USP43: variants seen among roughly 807,000 people sequenced by gnomAD.
The protein encoded by USP43 is ubiquitin specific peptidase 43, also known as ubiquitin carboxyl-terminal hydrolase 43.
Under a neutral mutation model 90.7 loss-of-function variants are expected in USP43, and 33 were observed. The observed-to-expected ratio is 0.36, with a 90% CI of 0.28 to 0.49. USP43 has a LOEUF of 0.49. Ranked by LOEUF, USP43 falls within the 20% of genes least tolerant of loss-of-function variation. The pLI, the probability that USP43 is intolerant of heterozygous loss-of-function variation, is 0.98. For synonymous variants in USP43, 598 were observed against 615.8 expected (o/e 0.97, Z 0.43); for missense variants, 1,274 against 1,476.4 (o/e 0.86, Z 2.25).
Position 9,677,071 on chromosome 17 carries a change from G to A in USP43, c.969+190G>A, listed in dbSNP as rs552949099. On this transcript the variant is annotated intron_variant, in intron 5 of 14. Coordinates refer to ENST00000285199, the MANE Select transcript of USP43 (RefSeq NM_153210.5). ...ACTTTTCCCTGCATTGACACAGAAT[G>A]ACCAGAAAAGAACACCTTTGCCTTC... Among the ~76,000 whole-genome samples the A allele has an allele frequency of 1.7e-4, 26 of 152,258 alleles. No individual in the cohort carries two copies. In the South Asian group the frequency reaches 5.2e-3, roughly 30 times the overall value.
chr17:9,655,713 T>C (rs1912193972), intron 1 of USP43, among the ~76,000 whole-genome samples: 1 of 152,156 alleles, frequency 6.6e-6, no homozygotes, highest in African/African-American at 2.4e-5. Flanking sequence ...GTATCCCCGG[T>C]CCCTAGAATA....
chr17:9,692,572 G>A (rs11869697), intron 8 of USP43, among the ~76,000 whole-genome samples: 29 of 152,026 alleles, frequency 1.9e-4, no homozygotes, highest in African/African-American at 5.3e-4. Flanking sequence ...GGCATCTTCC[G>A]TTAAATATGT....
At chr17:9,706,631 ATTTTTTTTTTT>A (rs34165346) in intron 12 of USP43, among the ~76,000 whole-genome samples, 1,665 of 84,532 alleles carry the variant, frequency 0.02, 41 homozygotes, top group African/African-American at 0.076. Context: ...TCAGATATTA[ATTTTTTTTTTT>A]TTTTTTTTTT....
chr17:9,670,580 A>C (rs571014116), intron 3 of USP43, among the ~76,000 whole-genome samples: 31 of 152,174 alleles, frequency 2.0e-4, no homozygotes, highest in African/African-American at 7.2e-4. Flanking sequence ...GGGTAGAGGA[A>C]CTAAGGGAGA....
intron 13 of USP43, 40 bp from the exon 14 acceptor site, chr17:9,711,927 TG>T: frequency 6.5e-7 from 1 of 1,541,306 alleles, no homozygotes. Context: ...TCTGAAGTGC[TG>T]GGGTTGGGCT....
intron 14 of USP43, among the ~76,000 whole-genome samples, chr17:9,718,506 C>G (rs1916738717): frequency 2.0e-5 from 3 of 152,176 alleles, no homozygotes; most frequent in Non-Finnish European, 4.4e-5. Flanking sequence ...GTAGACATGA[C>G]ACTCATAGCA....
chr17:9,715,962 T>C (rs1916535871), intron 14 of USP43, among the ~76,000 whole-genome samples: 1 of 151,784 alleles, frequency 6.6e-6, no homozygotes, highest in Non-Finnish European at 1.5e-5. Flanking sequence ...TGTATGTATC[T>C]GTGTATATGT....
At chr17:9,681,460 T>TA (rs1291314308) in intron 6 of USP43, among the ~76,000 whole-genome samples, 42 of 19,184 alleles carry the variant, frequency 2.2e-3, no homozygotes, top group Non-Finnish European at 2.4e-3. Flanking sequence ...ATATAAAATA[T>TA]ATTATATATA....
intron 3 of USP43, among the ~76,000 whole-genome samples, chr17:9,667,079 T>C (rs1913079608): frequency 6.6e-6 from 1 of 152,156 alleles, no homozygotes; most frequent in East Asian, 1.9e-4. Context: ...CCTTCCTGTT[T>C]GTTCTCTCTC....
chr17:9,688,357 G>GTT (rs11348983), intron 8 of USP43, among the ~76,000 whole-genome samples: 4 of 138,096 alleles, frequency 2.9e-5, no homozygotes, highest in African/African-American at 5.2e-5. Context: ...CTCCTGTCCT[G>GTT]TTTTTTTTTT....
intron 3 of USP43, among the ~76,000 whole-genome samples, chr17:9,673,496 G>A (rs1032054977): frequency 6.6e-6 from 1 of 152,042 alleles, no homozygotes; most frequent in Non-Finnish European, 1.5e-5. Context: ...GTGACAGTGC[G>A]AGACTCCGTC....
rs190538282 is a variant in USP43 at position 9,653,914 on chromosome 17, C to T, written c.505-2489C>T. 5.3e-5 allele frequency among the ~76,000 whole-genome samples: 8 copies of T among 152,272 alleles called. No individual in the cohort carries two copies. The East Asian group carries it at 9.7e-4, about 18-fold the overall frequency. ...TGGGTCAGCTGTAGGTGAAACTCAACAGTTGGAATGAGACTCTTCTATAGG... is the reference window on the plus strand; with the variant it reads ...TGGGTCAGCTGTAGGTGAAACTCAATAGTTGGAATGAGACTCTTCTATAGG... On this transcript the variant is annotated intron_variant, in intron 1 of 14. Coordinates refer to ENST00000285199, the MANE Select transcript of USP43 (RefSeq NM_153210.5).
chr17:9,693,803 A>C (rs1041356929), intron 9 of USP43, among the ~76,000 whole-genome samples: 1 of 152,178 alleles, frequency 6.6e-6, no homozygotes, highest in Non-Finnish European at 1.5e-5. Context: ...GCGCCACTGC[A>C]CTCTAGCCTG....
At chr17:9,693,090 G>T (rs561687090) in intron 8 of USP43, 37 bp from the exon 9 acceptor site, 1 of 1,513,218 alleles carries the variant, frequency 6.6e-7, no homozygotes, top group Non-Finnish European at 9.1e-7. Flanking sequence ...CAATATAGGG[G>T]CTACGTAATG....
chr17:9,653,595 GA>G (rs59946486), intron 1 of USP43, among the ~76,000 whole-genome samples: 6,395 of 135,592 alleles, frequency 0.047, 380 homozygotes, highest in African/African-American at 0.14. Flanking sequence ...TTCAAAAAAA[GA>G]AAAAAAAAAA....
At chr17:9,649,498 A>T (rs1344102546) in intron 1 of USP43, among the ~76,000 whole-genome samples, 1 of 151,986 alleles carries the variant, frequency 6.6e-6, no homozygotes, top group Non-Finnish European at 1.5e-5. Flanking sequence ...ATAGTGCTCA[A>T]CAGGAAGGTT....
At chr17:9,726,397 G>A (rs998247695) in intron 14 of USP43, among the ~76,000 whole-genome samples, 1 of 152,128 alleles carries the variant, frequency 6.6e-6, no homozygotes, top group Admixed American at 6.5e-5. Flanking sequence ...CATTCAGGCT[G>A]TTAGAACAGA....
intron 8 of USP43, among the ~76,000 whole-genome samples, chr17:9,690,623 G>A (rs1487073179): frequency 6.6e-6 from 1 of 152,122 alleles, no homozygotes; most frequent in African/African-American, 2.4e-5. Context: ...GGTGGCTCAC[G>A]CCTGTACTCC....
chr17:9,663,593 C>T (rs1354368520), intron 2 of USP43, among the ~76,000 whole-genome samples: 6 of 151,862 alleles, frequency 4.0e-5, no homozygotes, highest in South Asian at 4.2e-4. Flanking sequence ...CCACTGCTCC[C>T]GCCCAGACAT....
Sources: gnomAD v4.1 joint callset for allele counts (sites outside exome capture counted in the v4.1 genomes callset) on GRCh38, gnomAD v4.1.1 for gene constraint, MANE v1.5 for transcripts, NCBI Gene and HGNC (gene_info 2026-07-23, HGNC 2026-07-21) for gene names.